The following NRG3 variants were observed in gnomAD, a reference collection of about 807,000 sequenced individuals.
NRG3 encodes neuregulin 3, also known as pro-neuregulin-3, membrane-bound isoform.
A neutral mutation model predicts 66.9 loss-of-function variants in NRG3; 31 were observed. The ratio of observed to expected loss-of-function variants is 0.46; its 90% CI spans 0.35 to 0.63. NRG3 has a LOEUF of 0.63. Ranked by LOEUF, NRG3 falls within the 20% of genes least tolerant of loss-of-function variation. NRG3 has a pLI of 0.00. For missense variants in NRG3, 910 were observed against 878.9 expected, an observed-to-expected ratio of 1.04 and a Z score of -0.45; for synonymous variants, 393 against 359.4, an observed-to-expected ratio of 1.09 and a Z score of -1.06.
intron 1 of NRG3, among the ~76,000 whole-genome samples, chr10:81,899,727 C>T (rs773075645): frequency 2.6e-5 from 4 of 152,160 alleles, no homozygotes; most frequent in African/African-American, 4.8e-5. Flanking sequence ...CTGTTGACTC[C>T]GTGGAGCTGC....
At chr10:82,378,420 C>A (rs28411876) in intron 2 of NRG3, among the ~76,000 whole-genome samples, 1 of 152,310 alleles carries the variant, frequency 6.6e-6, no homozygotes, top group South Asian at 2.1e-4. Context: ...AATGCAGAAG[C>A]AGCTGGGTTG....
At chr10:82,854,646 C>T (rs139195287) in intron 3 of NRG3, among the ~76,000 whole-genome samples, 20 of 152,266 alleles carry the variant, frequency 1.3e-4, no homozygotes, top group Admixed American at 1.3e-3. Flanking sequence ...CAGTGCCTTG[C>T]CACTAAATAT....
chr10:82,043,877 C>G (rs2063149038), intron 1 of NRG3, among the ~76,000 whole-genome samples: 1 of 151,964 alleles, frequency 6.6e-6, no homozygotes, highest in African/African-American at 2.4e-5. Context: ...TTCTGGTGTA[C>G]AAAACATCAC....
chr10:82,693,680 G>A (rs530920909), intron 2 of NRG3, among the ~76,000 whole-genome samples: 25 of 152,158 alleles, frequency 1.6e-4, no homozygotes, highest in African/African-American at 2.2e-4. Flanking sequence ...ATGAAGCCAC[G>A]GACCTTGCAG....
At chr10:82,224,324 T>C (rs903586433) in intron 1 of NRG3, 14 of 152,212 alleles carry the variant, frequency 9.2e-5, no homozygotes, top group Non-Finnish European at 1.9e-4. Flanking sequence ...TATACTCTTT[T>C]CTTTGCCAGG....
intron 2 of NRG3, among the ~76,000 whole-genome samples, chr10:82,476,302 C>T (rs1253233331): frequency 6.6e-6 from 1 of 152,056 alleles, no homozygotes; most frequent in African/African-American, 2.4e-5. Context: ...ATGTCAGTTC[C>T]TCAAAAAATT....
intron 5 of NRG3, among the ~76,000 whole-genome samples, chr10:82,958,061 G>A (rs1057293832): frequency 2.6e-5 from 4 of 152,282 alleles, no homozygotes; most frequent in Middle Eastern, 3.4e-3. Context: ...CAGTCATTCC[G>A]CATGTGCACA....
Position 82,392,898 on chromosome 10 carries a change from A to ATT in NRG3, c.953+34035_953+34036dup, listed in dbSNP as rs59861426. Among the ~76,000 whole-genome samples, 598 of 150,210 alleles carry ATT rather than the reference A, an allele frequency of 4.0e-3. 4 individuals are homozygous for ATT. The highest frequency in any genetic ancestry group is 0.014 in the African/African-American group (549 of 40,572). On this transcript the variant is annotated intron_variant, in intron 2 of 8. Coordinates refer to ENST00000372141, the MANE Select transcript of NRG3 (RefSeq NM_001010848.4). Reference sequence around the variant, plus strand: ...TGAGGTCATATATATATATATATATATTTTTTGCAGGCTTCATATGATTTT... The same window carrying ATT: ...TGAGGTCATATATATATATATATATATTTTTTTTGCAGGCTTCATATGATTTT...
chr10:82,833,369 G>C (rs188431894), intron 3 of NRG3, among the ~76,000 whole-genome samples: 117 of 152,202 alleles, frequency 7.7e-4, no homozygotes, highest in Non-Finnish European at 1.1e-3. Flanking sequence ...TCTCAATCCT[G>C]ACCCAGACTC....
At chr10:82,763,253 T>C (rs1273708184) in intron 3 of NRG3, among the ~76,000 whole-genome samples, 1 of 152,128 alleles carries the variant, frequency 6.6e-6, no homozygotes, top group Non-Finnish European at 1.5e-5. Flanking sequence ...AGGATGTCAA[T>C]TAATAAATAT....
At chr10:81,876,522 G>A (rs1841671274) in intron 1 of NRG3, among the ~76,000 whole-genome samples, 1 of 152,206 alleles carries the variant, frequency 6.6e-6, no homozygotes, top group Admixed American at 6.5e-5. Context: ...CCAGTAGAGG[G>A]CCAGGGAGGG....
At chr10:82,115,204 C>T (rs1050368502) in intron 1 of NRG3, among the ~76,000 whole-genome samples, 2 of 152,052 alleles carry the variant, frequency 1.3e-5, no homozygotes, top group Non-Finnish European at 2.9e-5. Flanking sequence ...CTTATTCACC[C>T]AGCTTGTGGG....
chr10:82,711,478 G>A (rs1724000796), intron 2 of NRG3, among the ~76,000 whole-genome samples: 1 of 151,458 alleles, frequency 6.6e-6, no homozygotes, highest in Admixed American at 6.6e-5. Context: ...TTCCTCCTAT[G>A]TTTAAGTTGT....
At chr10:82,490,872 C>A (rs1289272058) in intron 2 of NRG3, among the ~76,000 whole-genome samples, 1 of 152,034 alleles carries the variant, frequency 6.6e-6, no homozygotes, top group African/African-American at 2.4e-5. Context: ...TAATAAAAAA[C>A]TAAATATTTA....
intron 4 of NRG3, among the ~76,000 whole-genome samples, chr10:82,940,801 C>T (rs574935136): frequency 6.6e-6 from 1 of 152,136 alleles, no homozygotes; most frequent in South Asian, 2.1e-4. Context: ...GGGTGGAGCC[C>T]TCATGACTTA....
At chr10:82,730,081 T>C (rs1273211196) in intron 2 of NRG3, among the ~76,000 whole-genome samples, 2 of 148,686 alleles carry the variant, frequency 1.3e-5, no homozygotes, top group African/African-American at 5.1e-5. Context: ...TTTTCTTTTT[T>C]TTTTTCCTTT....
At chr10:81,980,564 T>G (rs2133457636) in intron 1 of NRG3, among the ~76,000 whole-genome samples, 1 of 152,344 alleles carries the variant, frequency 6.6e-6, no homozygotes, top group South Asian at 2.1e-4. Context: ...GGCAAGGCAA[T>G]AATTTTCCAT....
intron 2 of NRG3, among the ~76,000 whole-genome samples, chr10:82,453,577 G>T (rs1348682732): frequency 1.3e-5 from 2 of 151,954 alleles, no homozygotes; most frequent in Non-Finnish European, 2.9e-5. Flanking sequence ...ATAGCTTTAT[G>T]TAGAGAGAAA....
chr10:82,113,346 C>G (rs1052766013), intron 1 of NRG3, among the ~76,000 whole-genome samples: 6 of 152,128 alleles, frequency 3.9e-5, no homozygotes, highest in Non-Finnish European at 7.4e-5. Context: ...CCAGAGCCCC[C>G]GCTCCTGATC....
Sources: gnomAD v4.1 joint callset for allele counts (sites outside exome capture counted in the v4.1 genomes callset) on GRCh38, gnomAD v4.1.1 for gene constraint, MANE v1.5 for transcripts, NCBI Gene and HGNC (gene_info 2026-07-23, HGNC 2026-07-21) for gene names.